The following ATRNL1 variants were observed in gnomAD, a reference collection of about 807,000 sequenced individuals.
The protein encoded by ATRNL1 is attractin-like protein 1.
Under a neutral mutation model 182.7 loss-of-function variants are expected in ATRNL1, and 95 were observed. The ratio of observed to expected loss-of-function variants is 0.52; its 90% CI spans 0.44 to 0.62. ATRNL1 has a LOEUF of 0.62. Ranked by LOEUF, ATRNL1 falls within the 20% of genes least tolerant of loss-of-function variation. ATRNL1 has a pLI of 0.00. For synonymous variants in ATRNL1, 576 were observed against 568.3 expected (o/e 1.01, Z -0.19); for missense variants, 1,471 against 1,679.5 (o/e 0.88, Z 2.17).
intron 21 of ATRNL1, among the ~76,000 whole-genome samples, chr10:115,451,429 A>G (rs1292188572): frequency 6.6e-6 from 1 of 152,136 alleles, no homozygotes; most frequent in Non-Finnish European, 1.5e-5. Context: ...GAAACAAGCA[A>G]CCTCATTAAA....
intron 27 of ATRNL1, among the ~76,000 whole-genome samples, chr10:115,744,357 A>T (rs1055525364): frequency 6.6e-6 from 1 of 152,204 alleles, no homozygotes; most frequent in Middle Eastern, 3.4e-3. Flanking sequence ...GACATAATTG[A>T]TACTCTAGAA....
chr10:115,873,448 G>A (rs917565939), intron 28 of ATRNL1, among the ~76,000 whole-genome samples: 9 of 152,132 alleles, frequency 5.9e-5, no homozygotes, highest in Non-Finnish European at 1.3e-4. Flanking sequence ...ATGCCTTTTT[G>A]TCTTTACCAC....
intron 1 of ATRNL1, among the ~76,000 whole-genome samples, chr10:115,102,363 A>T (rs941965392): frequency 1.3e-5 from 2 of 152,088 alleles, no homozygotes; most frequent in African/African-American, 4.8e-5. Context: ...CCATTGATCC[A>T]TATCTCTATC....
At chr10:115,650,399 T>G (rs186362455) in intron 26 of ATRNL1, among the ~76,000 whole-genome samples, 1 of 152,194 alleles carries the variant, frequency 6.6e-6, no homozygotes, top group East Asian at 1.9e-4. Flanking sequence ...AAATAAAATT[T>G]TATTGGTCAG....
intron 27 of ATRNL1, among the ~76,000 whole-genome samples, chr10:115,840,308 C>A (rs1351781424): frequency 6.6e-6 from 1 of 152,122 alleles, no homozygotes; most frequent in Non-Finnish European, 1.5e-5. Context: ...AAGCCATTAA[C>A]AGAGATTTTA....
chr10:115,395,776 A>G (rs1358706651), intron 20 of ATRNL1, among the ~76,000 whole-genome samples: 1 of 151,772 alleles, frequency 6.6e-6, no homozygotes, highest in African/African-American at 2.4e-5. Context: ...TTCAAAAATT[A>G]ACTTTAAAAG....
At chr10:115,250,099 G>C (rs1850811001) in intron 10 of ATRNL1, among the ~76,000 whole-genome samples, 1 of 152,172 alleles carries the variant, frequency 6.6e-6, no homozygotes, top group Non-Finnish European at 1.5e-5. Context: ...TGTAACAGTG[G>C]TGGATGACAT....
chr10:115,806,277 G>C (rs1263507241), intron 27 of ATRNL1, among the ~76,000 whole-genome samples: 1 of 152,068 alleles, frequency 6.6e-6, no homozygotes, highest in Non-Finnish European at 1.5e-5. Flanking sequence ...TTTTTAGACA[G>C]ACTATTGAAG....
chr10:115,497,071 A>G (rs995647250), intron 24 of ATRNL1, among the ~76,000 whole-genome samples: 1 of 152,120 alleles, frequency 6.6e-6, no homozygotes, highest in Non-Finnish European at 1.5e-5. Context: ...AATTCTTTAA[A>G]AAACATTTTT....
At chr10:115,511,256 T>C (rs1850370519) in intron 24 of ATRNL1, among the ~76,000 whole-genome samples, 1 of 151,980 alleles carries the variant, frequency 6.6e-6, no homozygotes, top group South Asian at 2.1e-4. Flanking sequence ...ATCGTGGATC[T>C]TAGTAACAGC....
At chr10:115,944,326 T>C (rs1247397339) in intron 28 of ATRNL1, among the ~76,000 whole-genome samples, 1 of 151,224 alleles carries the variant, frequency 6.6e-6, no homozygotes, top group Non-Finnish European at 1.5e-5. Context: ...AAATTTCTAG[T>C]ACCTCCACAG....
intron 24 of ATRNL1, among the ~76,000 whole-genome samples, chr10:115,505,576 C>A (rs1185982752): frequency 2.6e-5 from 4 of 151,834 alleles, no homozygotes; most frequent in African/African-American, 9.7e-5. Flanking sequence ...TAAGGACCCC[C>A]AAGATATTTT....
rs563551262 is a variant in ATRNL1 at position 115,641,614 on chromosome 10, C to G, written c.3796-85634C>G. Among the ~76,000 whole-genome samples the G allele has an allele frequency of 4.6e-5, 7 of 152,248 alleles. No individual in the cohort carries two copies. In the East Asian group the frequency reaches 7.7e-4, roughly 17 times the overall value. On this transcript the variant is annotated intron_variant, in intron 26 of 28. Transcript: ENST00000355044. ...TGTGCACCTATGTGATATTACTACTCTACTAAATTCTATATTATTTCATTT... is the reference window on the plus strand; with the variant it reads ...TGTGCACCTATGTGATATTACTACTGTACTAAATTCTATATTATTTCATTT...
At chr10:115,936,773 T>A (rs1276007915) in intron 28 of ATRNL1, among the ~76,000 whole-genome samples, 1 of 152,136 alleles carries the variant, frequency 6.6e-6, no homozygotes, top group Non-Finnish European at 1.5e-5. Flanking sequence ...ATGACTAGGG[T>A]TTCTAATAAG....
chr10:115,195,172 T>A (rs1462846924), intron 8 of ATRNL1, among the ~76,000 whole-genome samples: 2 of 152,126 alleles, frequency 1.3e-5, no homozygotes, highest in African/African-American at 4.8e-5. Context: ...ATTCTCTGTA[T>A]GTTTGTATAT....
chr10:115,773,326 A>G (rs1949040395), intron 27 of ATRNL1, among the ~76,000 whole-genome samples: 1 of 152,142 alleles, frequency 6.6e-6, no homozygotes, highest in Admixed American at 6.6e-5. Flanking sequence ...TGCCCAGAGG[A>G]GTAAAAATCT....
chr10:115,145,857 C>T (rs1162888284), intron 5 of ATRNL1, among the ~76,000 whole-genome samples: 2 of 152,094 alleles, frequency 1.3e-5, no homozygotes, highest in African/African-American at 4.8e-5. Context: ...GTAGCATAGT[C>T]TTGCTGGGAT....
chr10:115,288,633 C>T (rs150255755), intron 15 of ATRNL1, among the ~76,000 whole-genome samples: 1,838 of 151,756 alleles, frequency 0.012, 36 homozygotes, highest in African/African-American at 0.04. Flanking sequence ...GCAATTCTTC[C>T]GCCTCAGCCT....
chr10:115,222,016 A>G (rs576936315), intron 9 of ATRNL1, among the ~76,000 whole-genome samples: 5 of 152,306 alleles, frequency 3.3e-5, no homozygotes, highest in South Asian at 2.1e-4. Context: ...AAACATACAT[A>G]TAGGATAATG....
Sources: allele counts gnomAD v4.1 joint callset (sites outside exome capture counted in the v4.1 genomes callset), GRCh38; gene constraint gnomAD v4.1.1; transcripts MANE v1.5; gene names NCBI Gene and HGNC (gene_info 2026-07-23, HGNC 2026-07-21).